The following RANBP17 variants were observed in gnomAD, a reference collection of about 807,000 sequenced individuals.
RANBP17 encodes the protein ran-binding protein 17.
In RANBP17, 158 loss-of-function variants were observed where a neutral mutation model predicts 141.2. The observed-to-expected ratio is 1.12, with a 90% CI of 0.98 to 1.28. The LOEUF (loss-of-function observed/expected upper bound fraction) is 1.28. Ranked by LOEUF, RANBP17 falls within the 50% of genes most tolerant of loss-of-function variation. RANBP17 has a pLI of 0.00. For synonymous variants in RANBP17, 430 were observed against 450.0 expected, an observed-to-expected ratio of 0.96 and a Z score of 0.56; for missense variants, 1,438 against 1,290.7, an observed-to-expected ratio of 1.11 and a Z score of -1.75.
At chr5:171,173,027 T>C (rs1760209085) in intron 16 of RANBP17, among the ~76,000 whole-genome samples, 2 of 152,006 alleles carry the variant, frequency 1.3e-5, no homozygotes, top group African/African-American at 2.4e-5. Context: ...CATTGATTTA[T>C]ATTTTTTAGC....
At chr5:171,098,344 T>C (rs1402739771) in intron 14 of RANBP17, among the ~76,000 whole-genome samples, 1 of 152,214 alleles carries the variant, frequency 6.6e-6, no homozygotes, top group African/African-American at 2.4e-5. Context: ...TGGCATGAGA[T>C]GGTATCTCAT....
At chr5:170,956,103 TG>T (rs1279277126) in intron 13 of RANBP17, among the ~76,000 whole-genome samples, 1 of 151,890 alleles carries the variant, frequency 6.6e-6, no homozygotes, top group Admixed American at 6.6e-5. Flanking sequence ...TGGTTTCATA[TG>T]TTTTTTCCAA....
rs557176873 is a variant in RANBP17, at chr5:170,918,374, T to C, written c.955-339T>C. ...CTTTTAATCTTAAGTATTTTCCAGG[T>C]CCTTTGTTGACTTCTGTTTAAACCA... On this transcript the variant is annotated intron_variant, in intron 9 of 27. Transcript: ENST00000523189. 88 of 160,558 alleles carry C rather than the reference T, an allele frequency of 5.5e-4. 1 individual carries two copies. Among genetic ancestry groups the C allele is most frequent in the East Asian group, 1.6e-3 (9 of 5,690 alleles). 9.9% of individuals were successfully genotyped at this position (160,558 alleles called of 1,614,324 possible).
At chr5:171,155,616 T>G (rs562915458) in intron 14 of RANBP17, among the ~76,000 whole-genome samples, 1 of 152,252 alleles carries the variant, frequency 6.6e-6, no homozygotes, top group Admixed American at 6.5e-5. Context: ...CTCCCACAAA[T>G]TCCTAATCAA....
chr5:170,884,018 G>GC (rs1212422573), intron 3 of RANBP17, among the ~76,000 whole-genome samples: 1 of 152,154 alleles, frequency 6.6e-6, no homozygotes, highest in African/African-American at 2.4e-5. Flanking sequence ...AGTTTTGTAA[G>GC]AAACCACCAC....
chr5:171,249,885 A>G (rs1008907152), intron 24 of RANBP17, among the ~76,000 whole-genome samples: 7 of 152,240 alleles, frequency 4.6e-5, no homozygotes, highest in Non-Finnish European at 1.0e-4. Flanking sequence ...CAAGAAATGT[A>G]GACATTCACA....
At chr5:170,937,986 GA>G (rs1469721281) in intron 12 of RANBP17, among the ~76,000 whole-genome samples, 2 of 152,012 alleles carry the variant, frequency 1.3e-5, no homozygotes, top group Admixed American at 6.6e-5. Flanking sequence ...GTAAGTACGT[GA>G]AATTTCTTAG....
In RANBP17 at chr5:171,140,412, T is replaced by C. The variant is rs1470030693; in HGVS notation, c.1711-29718T>C. On this transcript the variant is annotated intron_variant, in intron 14 of 27. Coordinates refer to ENST00000523189, the MANE Select transcript of RANBP17 (RefSeq NM_022897.5). ...AATGTTTATTAAAGGAATAAAAGAA[T>C]AAGCTATACTGTGCTAAGTGATGGA... Among the ~76,000 whole-genome samples the C allele has an allele frequency of 2.0e-5, 3 of 152,210 alleles. No individual in the cohort carries two copies. In the East Asian group the frequency reaches 5.8e-4, roughly 29 times the overall value.
chr5:171,046,334 G>A (rs1201990586), intron 14 of RANBP17, among the ~76,000 whole-genome samples: 7 of 150,142 alleles, frequency 4.7e-5, no homozygotes, highest in Non-Finnish European at 8.9e-5. Flanking sequence ...TCAGCCTCCC[G>A]AGTAGCTGGG....
intron 24 of RANBP17, among the ~76,000 whole-genome samples, chr5:171,255,221 G>A (rs115681771): frequency 6.9e-4 from 105 of 152,226 alleles, no homozygotes; most frequent in African/African-American, 2.4e-3. Flanking sequence ...GGAAGTGGAT[G>A]CACACTTTGT....
At chr5:171,082,309 G>T (rs995861266) in intron 14 of RANBP17, among the ~76,000 whole-genome samples, 1 of 152,060 alleles carries the variant, frequency 6.6e-6, no homozygotes, top group South Asian at 2.1e-4. Flanking sequence ...CCATTTTCTT[G>T]TGTTTCTGGG....
intron 25 of RANBP17, among the ~76,000 whole-genome samples, chr5:171,289,437 A>C (rs1293797291): frequency 3.9e-5 from 6 of 152,224 alleles, no homozygotes; most frequent in Admixed American, 3.9e-4. Context: ...AGGAGACAGA[A>C]CAGACGGGGT....
intron 22 of RANBP17, among the ~76,000 whole-genome samples, 167 bp downstream of exon 22, chr5:171,222,007 A>G (rs903371744): frequency 6.6e-6 from 1 of 152,264 alleles, no homozygotes; most frequent in African/African-American, 2.4e-5. Context: ...CATCAGGAGA[A>G]GTAAGCAGCA....
At chr5:171,061,772 C>G (rs936131458) in intron 14 of RANBP17, among the ~76,000 whole-genome samples, 1 of 152,146 alleles carries the variant, frequency 6.6e-6, no homozygotes, top group Non-Finnish European at 1.5e-5. Context: ...GTGTTAAAAT[C>G]TCCCATTATT....
At position 171,083,380 on chromosome 5, in the gene RANBP17, G is replaced by C. The variant is rs376165829; in HGVS notation, c.1711-86750G>C. Among the ~76,000 whole-genome samples, 62 of 152,244 alleles carry C rather than the reference G, an allele frequency of 4.1e-4. 1 individual carries two copies. The South Asian group carries it at 0.012, about 31-fold the overall frequency. ...AAAATTGGTAGTCTGCAACCCAGAA[G>C]AGGGCCCTCACCAGACCTGACTATG... On this transcript the variant is annotated intron_variant, in intron 14 of 27. Transcript: ENST00000523189.
chr5:170,941,580 GAAGA>G (rs1774328899), intron 12 of RANBP17, among the ~76,000 whole-genome samples: 1 of 152,218 alleles, frequency 6.6e-6, no homozygotes, highest in East Asian at 1.9e-4. Context: ...AAGAATATGG[GAAGA>G]ATTCTTACAA....
chr5:170,933,407 A>G (rs1344404212), intron 12 of RANBP17, among the ~76,000 whole-genome samples: 3 of 151,752 alleles, frequency 2.0e-5, no homozygotes, highest in African/African-American at 4.8e-5. Flanking sequence ...TTGTGTCTCT[A>G]TTTCCTTCAG....
chr5:170,916,411 A>G (rs1453219947), intron 8 of RANBP17, 54 bp from the exon 9 acceptor site: 1 of 1,400,752 alleles, frequency 7.1e-7, no homozygotes, highest in African/African-American at 1.4e-5. Flanking sequence ...TATTCCTTAC[A>G]TGTGGCCACA....
At chr5:171,265,618 A>T in intron 24 of RANBP17, 63 bp from the exon 25 acceptor site, 1 of 1,373,258 alleles carries the variant, frequency 7.3e-7, no homozygotes, top group Non-Finnish European at 9.9e-7. Flanking sequence ...TGGAGCCGTT[A>T]GAAAATCAAA....
Sources: gnomAD v4.1 joint callset for allele counts (sites outside exome capture counted in the v4.1 genomes callset) on GRCh38, gnomAD v4.1.1 for gene constraint, MANE v1.5 for transcripts, NCBI Gene and HGNC (gene_info 2026-07-23, HGNC 2026-07-21) for gene names.